The following LINGO2 variants were observed in gnomAD, a reference collection of about 807,000 sequenced individuals.
LINGO2 encodes leucine rich repeat and Ig domain containing 2.
A neutral mutation model predicts 30.6 loss-of-function variants in LINGO2; 14 were observed. That is an observed-to-expected ratio of 0.46 (90% CI 0.30 to 0.72). The LOEUF is 0.72. LINGO2 is among the 30% of genes least tolerant of loss of function. The pLI is 0.07. For missense variants in LINGO2, 729 were observed against 751.7 expected (o/e 0.97, Z 0.35); for synonymous variants, 317 against 288.5 (o/e 1.10, Z -1.00).
At chr9:28,892,415 G>C in the LINGO2 span, among the ~76,000 whole-genome samples, 2 of 151,928 alleles carry the variant, frequency 1.3e-5, no homozygotes, top group African/African-American at 4.8e-5. Context: ...TGATAAAAAT[G>C]TTCACCAATG....
chr9:28,929,064 G>A, the LINGO2 span, among the ~76,000 whole-genome samples: 1 of 152,178 alleles, frequency 6.6e-6, no homozygotes, highest in African/African-American at 2.4e-5. Flanking sequence ...AAAGCAGAGG[G>A]GAAATAGCAT....
At chr9:29,199,843 G>A in the LINGO2 span, among the ~76,000 whole-genome samples, 35 of 152,120 alleles carry the variant, frequency 2.3e-4, no homozygotes, top group African/African-American at 7.9e-4. Flanking sequence ...TGAAAGCAAA[G>A]TGGAGAAAGA....
At chr9:29,088,665 T>C in the LINGO2 span, among the ~76,000 whole-genome samples, 2 of 152,180 alleles carry the variant, frequency 1.3e-5, no homozygotes, top group African/African-American at 2.4e-5. Flanking sequence ...TTGGCAAATA[T>C]ATTACACTAT....
Position 27,986,076 on chromosome 9 carries a change from T to TG in LINGO2, c.-36+26278dup, listed in dbSNP as rs1248172893. Among the ~76,000 whole-genome samples, 117 of 151,776 alleles carry TG rather than the reference T, an allele frequency of 7.7e-4. 1 individual carries two copies. Among genetic ancestry groups the TG allele is most frequent in the Admixed American group, 7.6e-3 (116 of 15,220 alleles). ...GAAAGTATTTCTTCTGGGTGGTAGATGACTAGGCCCTGAGGAAATTGGTTT... is the reference window on the plus strand; with the variant it reads ...GAAAGTATTTCTTCTGGGTGGTAGATGGACTAGGCCCTGAGGAAATTGGTTT... On this transcript the variant is annotated intron_variant, in intron 5 of 5. Coordinates refer to ENST00000379992, the Ensembl canonical transcript of LINGO2.
intron 1 of LINGO2, among the ~76,000 whole-genome samples, chr9:28,532,285 T>C (rs2135431897): frequency 6.6e-6 from 1 of 152,292 alleles, no homozygotes; most frequent in South Asian, 2.1e-4. Context: ...AGAGGTTTCA[T>C]ATCAGCAAAT....
At chr9:28,117,185 G>C (rs557353242) in intron 4 of LINGO2, among the ~76,000 whole-genome samples, 5 of 151,844 alleles carry the variant, frequency 3.3e-5, no homozygotes, top group African/African-American at 4.8e-5. Context: ...AGGTGTCAGT[G>C]TGCCCCTGGT....
the LINGO2 span, among the ~76,000 whole-genome samples, chr9:28,947,159 C>G: frequency 6.6e-6 from 1 of 151,832 alleles, no homozygotes; most frequent in South Asian, 2.1e-4. Flanking sequence ...ATATCTATAT[C>G]TATATATCTG....
chr9:28,335,294 T>C (rs1335044544), intron 3 of LINGO2, among the ~76,000 whole-genome samples: 2 of 152,168 alleles, frequency 1.3e-5, no homozygotes, highest in Non-Finnish European at 2.9e-5. Context: ...GTGCTTCATA[T>C]ACATTGTCAT....
chr9:28,543,957 C>A (rs538597915), intron 1 of LINGO2, among the ~76,000 whole-genome samples: 109 of 152,060 alleles, frequency 7.2e-4, no homozygotes, highest in African/African-American at 2.6e-3. Context: ...GTAATACCAG[C>A]ACTTTGGAAG....
At chr9:28,821,995 C>T in the LINGO2 span, among the ~76,000 whole-genome samples, 1 of 152,094 alleles carries the variant, frequency 6.6e-6, no homozygotes, top group South Asian at 2.1e-4. Context: ...TAAAATCAAA[C>T]CTACCATCAA....
intron 3 of LINGO2, among the ~76,000 whole-genome samples, chr9:28,314,487 G>C (rs1419676068): frequency 6.6e-6 from 1 of 152,078 alleles, no homozygotes; most frequent in East Asian, 1.9e-4. Flanking sequence ...AAATAATTGA[G>C]TGTCTCTGTG....
intron 2 of LINGO2, among the ~76,000 whole-genome samples, chr9:28,388,540 A>T: frequency 6.6e-6 from 1 of 152,296 alleles, no homozygotes; most frequent in East Asian, 1.9e-4. Context: ...GGACTTTTCC[A>T]ATTTTATTTG....
chr9:29,154,674 A>C, the LINGO2 span, among the ~76,000 whole-genome samples: 31,036 of 152,072 alleles, frequency 0.2, 3,420 homozygotes, highest in East Asian at 0.37. Context: ...ATATTTTATA[A>C]GGAAAACAAA....
chr9:27,976,017 T>C (rs774417516), intron 5 of LINGO2, among the ~76,000 whole-genome samples: 2 of 152,046 alleles, frequency 1.3e-5, no homozygotes, highest in Admixed American at 6.6e-5. Context: ...AGCCCATGGG[T>C]TTGGAATCAG....
the LINGO2 span, among the ~76,000 whole-genome samples, chr9:29,171,459 T>A: frequency 4.6e-5 from 7 of 152,178 alleles, no homozygotes; most frequent in African/African-American, 1.7e-4. Flanking sequence ...TGTTTGGGCA[T>A]CTTGGTATTT....
the LINGO2 span, among the ~76,000 whole-genome samples, chr9:28,738,340 C>T: frequency 2.0e-5 from 3 of 151,980 alleles, no homozygotes; most frequent in Admixed American, 2.0e-4. Flanking sequence ...CCAAATAAAC[C>T]ATATTAATAC....
chr9:29,160,319 C>T, the LINGO2 span, among the ~76,000 whole-genome samples: 1 of 152,180 alleles, frequency 6.6e-6, no homozygotes, highest in Non-Finnish European at 1.5e-5. Flanking sequence ...TCTGAAGTGA[C>T]AACACTTGGG....
chr9:28,751,416 T>C, the LINGO2 span, among the ~76,000 whole-genome samples: 2 of 151,944 alleles, frequency 1.3e-5, no homozygotes, highest in Non-Finnish European at 2.9e-5. Context: ...CCAGCTAGGT[T>C]TGCATTGAAA....
At chr9:28,944,878 C>G in the LINGO2 span, among the ~76,000 whole-genome samples, 2 of 152,044 alleles carry the variant, frequency 1.3e-5, no homozygotes, top group Non-Finnish European at 2.9e-5. Flanking sequence ...TACCTGAAAC[C>G]TGTTTTTCAG....
Sources: gnomAD v4.1 joint callset for allele counts (sites outside exome capture counted in the v4.1 genomes callset) on GRCh38, gnomAD v4.1.1 for gene constraint, MANE v1.5 for transcripts, NCBI Gene and HGNC (gene_info 2026-07-23, HGNC 2026-07-21) for gene names.